The following ARHGAP6 variants were observed in gnomAD, a reference collection of about 807,000 sequenced individuals.
The protein encoded by ARHGAP6 is rho GTPase-activating protein 6.
In ARHGAP6, 16 loss-of-function variants were observed where a neutral mutation model predicts 55.7. The ratio of observed to expected loss-of-function variants is 0.29; its 90% CI spans 0.19 to 0.44. The LOEUF (loss-of-function observed/expected upper bound fraction) is 0.44. Ranked by LOEUF, ARHGAP6 falls within the 20% of genes least tolerant of loss-of-function variation. ARHGAP6 has a pLI of 1.00. For synonymous variants in ARHGAP6, 382 were observed against 360.9 expected (o/e 1.06, Z -0.66); for missense variants, 698 against 808.9 (o/e 0.86, Z 1.66).
chrX:11,387,102 T>G (rs2049337954), intron 1 of ARHGAP6, among the ~76,000 whole-genome samples: 1 of 111,864 alleles, frequency 8.9e-6, no homozygotes, highest in African/African-American at 3.3e-5. Flanking sequence ...CAGAAGAGTT[T>G]GACCAGGATG....
At chrX:11,164,711 C>T (rs766841744) in intron 9 of ARHGAP6, among the ~76,000 whole-genome samples, 26 of 111,966 alleles carry the variant, frequency 2.3e-4, no homozygotes, top group South Asian at 7.5e-4. Context: ...CACTGCACTC[C>T]GGACTTTTCA....
intron 1 of ARHGAP6, chrX:11,298,498 G>A: frequency 2.5e-6 from 3 of 1,203,150 alleles, no homozygotes; most frequent in Non-Finnish European, 3.4e-6. Flanking sequence ...TGCTTCTCTG[G>A]TTGGAGTCAC....
At chrX:11,446,425 T>C (rs1397098428) in intron 1 of ARHGAP6, among the ~76,000 whole-genome samples, 2 of 112,203 alleles carry the variant, frequency 1.8e-5, no homozygotes, top group African/African-American at 6.5e-5. Flanking sequence ...TGGACCAACA[T>C]GGATGTAAGG....
intron 1 of ARHGAP6, among the ~76,000 whole-genome samples, chrX:11,591,573 G>A (rs184091417): frequency 9.0e-5 from 10 of 110,749 alleles, no homozygotes; most frequent in East Asian, 2.8e-4. Flanking sequence ...ACTACAACAC[G>A]GGTGCTAAAT....
At position 11,484,526 on chromosome X, in the gene ARHGAP6, AGAG is replaced by A. The variant is rs940772871; in HGVS notation, c.588+179712_588+179714del. ...GAAGAGAAAAAAGGAAGAAGGAGGC[AGAG>A]GAGGAGGAGGAAGAAGAGAAGGAAA... On this transcript the variant is annotated intron_variant, in intron 1 of 12. Coordinates refer to ENST00000337414, the MANE Select transcript of ARHGAP6 (RefSeq NM_013427.3). Among the ~76,000 whole-genome samples the A allele has an allele frequency of 3.7e-5, 4 of 106,961 alleles. No homozygotes were observed. The East Asian group carries it at 8.7e-4, about 23-fold the overall frequency. 92.9% of individuals were successfully genotyped at this position (106,961 alleles called of 115,157 possible).
intron 1 of ARHGAP6, among the ~76,000 whole-genome samples, chrX:11,442,527 T>A (rs1465322000): frequency 8.9e-6 from 1 of 111,920 alleles, no homozygotes; most frequent in African/African-American, 3.3e-5. Flanking sequence ...TCTTTACAAT[T>A]TCACGAAGTT....
At chrX:11,486,007 T>A (rs1421811205) in intron 1 of ARHGAP6, among the ~76,000 whole-genome samples, 1 of 112,002 alleles carries the variant, frequency 8.9e-6, no homozygotes, top group African/African-American at 3.2e-5. Context: ...CTGATTTTGA[T>A]CTCAGTATAT....
chrX:11,278,071 C>T (rs755707499), intron 1 of ARHGAP6, among the ~76,000 whole-genome samples: 1 of 111,767 alleles, frequency 8.9e-6, no homozygotes, highest in Non-Finnish European at 1.9e-5. Context: ...AAATGCTGAA[C>T]TTCTTCCTGG....
intron 2 of ARHGAP6, among the ~76,000 whole-genome samples, chrX:11,204,526 C>T (rs2046676557): frequency 9.0e-6 from 1 of 111,551 alleles, no homozygotes; most frequent in African/African-American, 3.3e-5. Context: ...TTAATGACAC[C>T]CAGTGTTTTG....
chrX:11,235,588 G>A (rs2047187926), intron 2 of ARHGAP6, among the ~76,000 whole-genome samples: 1 of 111,398 alleles, frequency 9.0e-6, no homozygotes, highest in Admixed American at 9.5e-5. Flanking sequence ...TCATCAGGCT[G>A]CAAATTTTCG....
At position 11,226,383 on chromosome X, in the gene ARHGAP6, G is replaced by A. The variant is rs772961844; in HGVS notation, c.748+28165C>T. ...ATATATGCCACATTTTCTTAATCCA[G>A]TCTATCATTGGTGGACATTTGGGTT... On this transcript the variant is annotated intron_variant, in intron 2 of 12. Transcript: ENST00000337414. Among the ~76,000 whole-genome samples, 3 of 111,195 alleles carry A rather than the reference G, an allele frequency of 2.7e-5. No individual in the cohort carries two copies. In the East Asian group the frequency reaches 8.5e-4, roughly 31 times the overall value.
intron 1 of ARHGAP6, among the ~76,000 whole-genome samples, chrX:11,612,691 A>G (rs1220318261): frequency 3.6e-5 from 4 of 112,544 alleles, no homozygotes; most frequent in Non-Finnish European, 7.5e-5. Flanking sequence ...ACCCAGTCAA[A>G]GACATTTCTT....
rs779323691 is a variant in ARHGAP6, at chrX:11,446,544, T to C, written c.589-191837A>G. On this transcript the variant is annotated intron_variant, in intron 1 of 12. Coordinates refer to ENST00000337414, the MANE Select transcript of ARHGAP6 (RefSeq NM_013427.3). Reference sequence around the variant, plus strand: ...AAAGAAAAAAAAATGAGAAATTCTCTTGTAGCCAGAAGAGTTGTTGGCAGA... The same window carrying C: ...AAAGAAAAAAAAATGAGAAATTCTCCTGTAGCCAGAAGAGTTGTTGGCAGA... Among the ~76,000 whole-genome samples the C allele has an allele frequency of 3.6e-5, 4 of 111,759 alleles. No homozygotes were observed. In the South Asian group the frequency reaches 1.1e-3, roughly 32 times the overall value.
chrX:11,245,308 C>A (rs756338555), intron 2 of ARHGAP6, among the ~76,000 whole-genome samples: 1 of 111,877 alleles, frequency 8.9e-6, no homozygotes, highest in Non-Finnish European at 1.9e-5. Flanking sequence ...TATGTATCTC[C>A]TTCAGGTTGC....
intron 1 of ARHGAP6, among the ~76,000 whole-genome samples, chrX:11,322,186 G>A (rs2048440625): frequency 1.8e-5 from 2 of 111,520 alleles, no homozygotes; most frequent in South Asian, 3.8e-4. Flanking sequence ...CTATTTGGGC[G>A]AGATCACTTG....
intron 1 of ARHGAP6, among the ~76,000 whole-genome samples, chrX:11,503,935 A>T (rs776046346): frequency 2.8e-4 from 31 of 111,689 alleles, no homozygotes; most frequent in African/African-American, 1.0e-3. Context: ...GTGGTTGAAA[A>T]ATTATCTATT....
At chrX:11,362,912 C>G (rs1478067204) in intron 1 of ARHGAP6, among the ~76,000 whole-genome samples, 3 of 111,374 alleles carry the variant, frequency 2.7e-5, no homozygotes, top group African/African-American at 9.8e-5. Context: ...TGAATACTGT[C>G]CACAAACACA....
At chrX:11,568,091 A>T (rs2051467026) in intron 1 of ARHGAP6, among the ~76,000 whole-genome samples, 1 of 111,555 alleles carries the variant, frequency 9.0e-6, no homozygotes, top group Admixed American at 9.5e-5. Flanking sequence ...GCATAGAGTA[A>T]ATGCTAAGGG....
In ARHGAP6 at chrX:11,504,364, A is replaced by C. The variant is rs894507945; in HGVS notation, c.588+159877T>G. 3.6e-5 allele frequency among the ~76,000 whole-genome samples: 4 copies of C among 111,237 alleles called. No homozygotes were observed. In the Admixed American group the frequency reaches 3.9e-4, roughly 11 times the overall value. ...GTCAGGCTGTGCTGCACATTGTAAC[A>C]TGTTTAGCAATATCCCTGACCTCTT... On this transcript the variant is annotated intron_variant, in intron 1 of 12. Transcript: ENST00000337414.
Sources: allele counts gnomAD v4.1 joint callset (sites outside exome capture counted in the v4.1 genomes callset), GRCh38; gene constraint gnomAD v4.1.1; transcripts MANE v1.5; gene names NCBI Gene and HGNC (gene_info 2026-07-23, HGNC 2026-07-21).